The following RAD51B variants were observed in gnomAD, a reference collection of about 807,000 sequenced individuals.
RAD51B encodes the protein DNA repair protein RAD51 homolog 2.
Under a neutral mutation model 42.2 loss-of-function variants are expected in RAD51B, and 38 were observed. The observed-to-expected ratio is 0.90, with a 90% CI of 0.70 to 1.18. RAD51B has a LOEUF of 1.18. Ranked by LOEUF, RAD51B falls within the 50% of genes most tolerant of loss-of-function variation. RAD51B has a pLI of 0.00. For synonymous variants in RAD51B, 154 were observed against 145.2 expected (o/e 1.06, Z -0.43); for missense variants, 373 against 400.7 (o/e 0.93, Z 0.59).
intron 7 of RAD51B, among the ~76,000 whole-genome samples, chr14:68,266,967 G>A (rs2081004368): frequency 6.6e-6 from 1 of 152,206 alleles, no homozygotes; most frequent in Non-Finnish European, 1.5e-5. Context: ...TTACAGAGAT[G>A]TGGGGCTCAT....
intron 10 of RAD51B, among the ~76,000 whole-genome samples, chr14:68,503,515 A>G (rs1885071039): frequency 6.6e-6 from 1 of 152,024 alleles, no homozygotes; most frequent in African/African-American, 2.4e-5. Context: ...TCTTTTTATT[A>G]CCTTACCCTG....
At chr14:68,392,560 C>G (rs568567440) in intron 8 of RAD51B, among the ~76,000 whole-genome samples, 1 of 152,136 alleles carries the variant, frequency 6.6e-6, no homozygotes, top group Non-Finnish European at 1.5e-5. Context: ...TGACATAGGG[C>G]ACTCTATAAA....
intron 7 of RAD51B, among the ~76,000 whole-genome samples, chr14:67,943,848 A>C (rs1378691072): frequency 1.3e-5 from 2 of 152,174 alleles, no homozygotes; most frequent in African/African-American, 4.8e-5. Flanking sequence ...AAGTGGAAAG[A>C]AAGCGGGTAA....
intron 7 of RAD51B, among the ~76,000 whole-genome samples, chr14:67,931,723 G>T (rs1453198686): frequency 6.6e-6 from 1 of 151,704 alleles, no homozygotes. Context: ...GGCTGGTCTC[G>T]ACCTCTTGAC....
At chr14:68,148,035 A>G (rs1021788851) in intron 7 of RAD51B, among the ~76,000 whole-genome samples, 1 of 152,120 alleles carries the variant, frequency 6.6e-6, no homozygotes, top group Non-Finnish European at 1.5e-5. Context: ...TTTTGTCACA[A>G]TAGATTATAT....
chr14:67,873,136 A>G (rs1156464829), intron 5 of RAD51B, among the ~76,000 whole-genome samples: 1 of 152,196 alleles, frequency 6.6e-6, no homozygotes, highest in Non-Finnish European at 1.5e-5. Flanking sequence ...AGAAACTACC[A>G]TCAGAGTGAA....
intron 7 of RAD51B, among the ~76,000 whole-genome samples, chr14:67,921,350 G>A (rs1595109468): frequency 6.6e-6 from 1 of 152,236 alleles, no homozygotes; most frequent in East Asian, 1.9e-4. Context: ...TGAGATTACA[G>A]GCATGAGCCA....
chr14:68,504,443 C>T (rs937509017), intron 10 of RAD51B, among the ~76,000 whole-genome samples: 2 of 152,096 alleles, frequency 1.3e-5, no homozygotes, highest in East Asian at 1.9e-4. Context: ...ACAAGGGTGC[C>T]GAAGCCTGAG....
intron 8 of RAD51B, among the ~76,000 whole-genome samples, chr14:68,390,298 C>G (rs1053622831): frequency 1.3e-5 from 2 of 152,150 alleles, no homozygotes; most frequent in Non-Finnish European, 2.9e-5. Flanking sequence ...ATTTTAAAAG[C>G]TATTCATTTA....
At chr14:68,245,240 T>G (rs948061597) in intron 7 of RAD51B, among the ~76,000 whole-genome samples, 1 of 152,224 alleles carries the variant, frequency 6.6e-6, no homozygotes, top group Non-Finnish European at 1.5e-5. Context: ...GAAAACTTTA[T>G]AAGCTGAATG....
intron 8 of RAD51B, among the ~76,000 whole-genome samples, chr14:68,386,866 G>A (rs8013184): frequency 0.75 from 114,121 of 152,148 alleles, 43,117 homozygotes; most frequent in East Asian, 0.97. Flanking sequence ...AACAGATGAA[G>A]TTTAGGATGC....
chr14:68,381,972 C>A (rs915147734), intron 8 of RAD51B, among the ~76,000 whole-genome samples: 1 of 152,166 alleles, frequency 6.6e-6, no homozygotes, highest in African/African-American at 2.4e-5. Context: ...ATGTAATGGC[C>A]AGTGGATGCA....
At chr14:68,190,878 A>AT (rs1295107504) in intron 7 of RAD51B, among the ~76,000 whole-genome samples, 1 of 152,162 alleles carries the variant, frequency 6.6e-6, no homozygotes, top group Non-Finnish European at 1.5e-5. Context: ...TGTCTAATGA[A>AT]TTTTAAGTTC....
intron 8 of RAD51B, among the ~76,000 whole-genome samples, chr14:68,356,265 T>C (rs575177251): frequency 4.5e-4 from 69 of 152,162 alleles, no homozygotes; most frequent in African/African-American, 1.6e-3. Context: ...ACCCCGTCTC[T>C]ACTAAATAAA....
intron 7 of RAD51B, among the ~76,000 whole-genome samples, chr14:68,079,179 T>A (rs546023152): frequency 1.3e-5 from 2 of 152,250 alleles, no homozygotes; most frequent in Non-Finnish European, 2.9e-5. Flanking sequence ...TCTCTTTTTT[T>A]AGAGTCTACT....
At chr14:68,647,936 C>T (rs1314354431) in intron 10 of RAD51B, among the ~76,000 whole-genome samples, 1 of 150,380 alleles carries the variant, frequency 6.6e-6, no homozygotes, top group Non-Finnish European at 1.5e-5. Flanking sequence ...CCTTGGCCTC[C>T]CAAGTGCTGG....
rs1318148540 is a variant in RAD51B at position 68,648,061 on chromosome 14, G to A, written c.1037-2720G>A. Among the ~76,000 whole-genome samples, 159 of 93,204 alleles carry A rather than the reference G, an allele frequency of 1.7e-3. 4 individuals are homozygous for A. The highest frequency in any genetic ancestry group is 4.4e-3 in the African/African-American group (118 of 27,094). The allele number at this position is 93,204 out of a possible 152,430, so 61.1% of individuals were successfully genotyped here. ...TACACACGTATATAGATGTGTGTGT[G>A]TATATATATATACACGTATATATAC... On this transcript the variant is annotated intron_variant, in intron 10 of 11. Coordinates refer to the RAD51B transcript ENST00000488612.
intron 7 of RAD51B, among the ~76,000 whole-genome samples, chr14:68,086,762 G>T (rs1258769198): frequency 1.3e-5 from 2 of 152,118 alleles, no homozygotes; most frequent in African/African-American, 4.8e-5. Context: ...TATTCTGTTA[G>T]GATTAATTTC....
intron 7 of RAD51B, among the ~76,000 whole-genome samples, chr14:68,189,218 G>A (rs1017809236): frequency 1.1e-4 from 16 of 152,044 alleles, no homozygotes; most frequent in African/African-American, 3.6e-4. Context: ...GTCTGAATTT[G>A]TACCTGGGCT....
Sources: allele counts gnomAD v4.1 joint callset (sites outside exome capture counted in the v4.1 genomes callset), GRCh38; gene constraint gnomAD v4.1.1; transcripts MANE v1.5; gene names NCBI Gene and HGNC (gene_info 2026-07-23, HGNC 2026-07-21).